Variants in DSCAM observed in about 807,000 individuals in gnomAD.
The protein encoded by DSCAM is DS cell adhesion molecule, also known as cell adhesion molecule DSCAM.
DSCAM carries 47 observed loss-of-function variants against 217.7 expected under a neutral mutation model. The ratio of observed to expected loss-of-function variants is 0.22; its 90% CI spans 0.17 to 0.28. The LOEUF (loss-of-function observed/expected upper bound fraction) is 0.28. Ranked by LOEUF, DSCAM falls within the 10% of genes least tolerant of loss-of-function variation. The pLI, the probability that DSCAM is intolerant of heterozygous loss-of-function variation, is 1.00. For synonymous variants in DSCAM, 1,056 were observed against 1,015.3 expected, an observed-to-expected ratio of 1.04 and a Z score of -0.76; for missense variants, 2,080 against 2,618.3, an observed-to-expected ratio of 0.79 and a Z score of 4.49.
chr21:40,211,855 G>A (rs976109688), intron 11 of DSCAM, among the ~76,000 whole-genome samples: 3 of 152,036 alleles, frequency 2.0e-5, no homozygotes, highest in African/African-American at 2.4e-5. Flanking sequence ...ACTGCTTGAG[G>A]TTAAAGATGA....
At chr21:40,772,472 T>C (rs2091453700) in intron 1 of DSCAM, among the ~76,000 whole-genome samples, 1 of 152,202 alleles carries the variant, frequency 6.6e-6, no homozygotes, top group African/African-American at 2.4e-5. Flanking sequence ...CCCAGCCTGA[T>C]TTAATGGTTA....
At chr21:40,088,233 G>A (rs897775466) in intron 21 of DSCAM, among the ~76,000 whole-genome samples, 6 of 152,148 alleles carry the variant, frequency 3.9e-5, no homozygotes, top group Admixed American at 6.5e-5. Flanking sequence ...TGCACAGACC[G>A]GAAACCATAG....
At chr21:40,664,151 G>C (rs1436826216) in intron 3 of DSCAM, among the ~76,000 whole-genome samples, 1 of 152,070 alleles carries the variant, frequency 6.6e-6, no homozygotes, top group African/African-American at 2.4e-5. Context: ...CCATAGTCCG[G>C]GATAAAGGAA....
intron 1 of DSCAM, among the ~76,000 whole-genome samples, chr21:40,767,133 T>A (rs1378945669): frequency 6.6e-6 from 1 of 152,134 alleles, no homozygotes; most frequent in African/African-American, 2.4e-5. Context: ...AACTAAAACA[T>A]GTTAGGAGCA....
intron 3 of DSCAM, among the ~76,000 whole-genome samples, chr21:40,663,119 G>A (rs1434688671): frequency 1.4e-5 from 2 of 140,156 alleles, no homozygotes; most frequent in Admixed American, 7.5e-5. Context: ...ATGTGTGAGT[G>A]TATGTCATGT....
At chr21:40,394,052 C>T (rs1404752339) in intron 3 of DSCAM, among the ~76,000 whole-genome samples, 1 of 152,158 alleles carries the variant, frequency 6.6e-6, no homozygotes, top group Non-Finnish European at 1.5e-5. Flanking sequence ...CAAATCTATA[C>T]TTTTTCTTAA....
At position 40,044,351 on chromosome 21, in the gene DSCAM, GCCACCCA is replaced by G. The variant is rs1014290901; in HGVS notation, c.5186-83_5186-77del. On this transcript the variant is annotated intron_variant, in intron 30 of 32. Coordinates refer to ENST00000400454, the MANE Select transcript of DSCAM (RefSeq NM_001389.5). ...GCTGAGAGCAAGCGTAGAGGTCAGT[GCCACCCA>G]CCCAGCACTGCCGACTCGCCCACGC... is the stretch of plus-strand genomic sequence containing the variant. 2.7e-6 allele frequency: 4 copies of G among 1,466,180 alleles called. No individual in the cohort carries two copies. In the African/African-American group the frequency reaches 4.2e-5, roughly 15 times the overall value. 90.8% of individuals were successfully genotyped at this position (1,466,180 alleles called of 1,614,324 possible).
At chr21:40,353,375 A>T (rs2074654430) in intron 5 of DSCAM, 90 bp downstream of exon 5, 2 of 1,537,552 alleles carry the variant, frequency 1.3e-6, no homozygotes, top group East Asian at 4.6e-5. Flanking sequence ...AGTTAATGGA[A>T]AGCTACAGAG....
intron 11 of DSCAM, among the ~76,000 whole-genome samples, chr21:40,206,111 G>A (rs886793446): frequency 8.5e-5 from 13 of 152,212 alleles, no homozygotes; most frequent in African/African-American, 3.1e-4. Context: ...GTATCTCTCT[G>A]AACTCCACCC....
intron 3 of DSCAM, among the ~76,000 whole-genome samples, chr21:40,510,371 AC>A (rs2076248974): frequency 6.6e-6 from 1 of 152,228 alleles, no homozygotes; most frequent in Non-Finnish European, 1.5e-5. Context: ...TAATAAGTCC[AC>A]CTTTTAGGAA....
chr21:40,550,463 T>C (rs1277165843), intron 3 of DSCAM, among the ~76,000 whole-genome samples: 10 of 152,102 alleles, frequency 6.6e-5, no homozygotes, highest in African/African-American at 2.4e-4. Context: ...AGGCAGGGGC[T>C]GCAGTGAGCC....
chr21:40,174,258 G>A (rs570950409), intron 15 of DSCAM, among the ~76,000 whole-genome samples: 3 of 152,290 alleles, frequency 2.0e-5, no homozygotes, highest in South Asian at 4.1e-4. Context: ...GAGGTCGAGT[G>A]TATTAAAGTG....
At chr21:40,519,835 A>ACTCT (rs140191515) in intron 3 of DSCAM, among the ~76,000 whole-genome samples, 100 of 141,134 alleles carry the variant, frequency 7.1e-4, no homozygotes, top group African/African-American at 2.3e-3. Context: ...TGTCTCTCTC[A>ACTCT]CTCTCTCTCT....
At chr21:40,474,067 C>T (rs1022010094) in intron 3 of DSCAM, among the ~76,000 whole-genome samples, 7 of 151,846 alleles carry the variant, frequency 4.6e-5, no homozygotes, top group African/African-American at 1.2e-4. Flanking sequence ...CTGAGGCGGG[C>T]GGATCACCTG....
intron 6 of DSCAM, 80 bp from the exon 7 acceptor site, chr21:40,339,495 G>T (rs1014102907): frequency 7.4e-7 from 1 of 1,346,628 alleles, no homozygotes; most frequent in South Asian, 1.5e-5. Context: ...TTCATGTCTA[G>T]GGGGTAAATG....
chr21:40,105,343 TCC>T (rs1345764891), intron 20 of DSCAM, among the ~76,000 whole-genome samples: 2 of 152,252 alleles, frequency 1.3e-5, no homozygotes. Context: ...GTTGGCTGTG[TCC>T]CCACCCAAAT....
At chr21:40,636,646 ACTATG>A (rs2089763136) in intron 3 of DSCAM, among the ~76,000 whole-genome samples, 1 of 151,904 alleles carries the variant, frequency 6.6e-6, no homozygotes, top group Admixed American at 6.6e-5. Context: ...AAATGAACAT[ACTATG>A]CTATATTTTC....
At chr21:40,185,402 G>A (rs1210609444) in intron 14 of DSCAM, among the ~76,000 whole-genome samples, 2 of 152,184 alleles carry the variant, frequency 1.3e-5, no homozygotes, top group African/African-American at 4.8e-5. Context: ...GCCCAGCAGC[G>A]AATCCCACAC....
intron 1 of DSCAM, among the ~76,000 whole-genome samples, chr21:40,716,337 T>C (rs531466096): frequency 3.9e-5 from 6 of 152,270 alleles, no homozygotes; most frequent in African/African-American, 1.4e-4. Context: ...TACAGTAACA[T>C]TTGCTTCCTC....
Sources: gnomAD v4.1 joint callset for allele counts (sites outside exome capture counted in the v4.1 genomes callset) on GRCh38, gnomAD v4.1.1 for gene constraint, MANE v1.5 for transcripts, NCBI Gene and HGNC (gene_info 2026-07-23, HGNC 2026-07-21) for gene names.